Variants in SMARCA4 observed in about 807,000 individuals in gnomAD.
SMARCA4 encodes SWI/SNF related BAF chromatin remodeling complex subunit ATPase 4.
In SMARCA4, 31 loss-of-function variants were observed where a neutral mutation model predicts 193.9. That is an observed-to-expected ratio of 0.16 (90% CI 0.12 to 0.22). The LOEUF (loss-of-function observed/expected upper bound fraction) is 0.22, where lower values mean the gene tolerates loss of function less well. Among genes scored for constraint, SMARCA4 ranks in the 10% least tolerant of loss-of-function variants. The pLI is 1.00. For missense variants in SMARCA4, 1,148 were observed against 2,296.0 expected (o/e 0.50, Z 10.22); for synonymous variants, 942 against 933.1 (o/e 1.01, Z -0.17).
intron 1 of SMARCA4, among the ~76,000 whole-genome samples, chr19:10,965,004 G>T (rs2084103993): frequency 6.6e-6 from 1 of 152,162 alleles, no homozygotes; most frequent in African/African-American, 2.4e-5. Context: ...CAACCACCTG[G>T]GTTTGACTCC....
intron 11 of SMARCA4, among the ~76,000 whole-genome samples, chr19:11,001,933 T>C (rs1401797041): frequency 6.6e-6 from 1 of 152,212 alleles, no homozygotes; most frequent in African/African-American, 2.4e-5. Context: ...TTTTGAAATA[T>C]TTCAATTAGC....
Position 10,967,761 on chromosome 19 carries a change from T to C in SMARCA4, c.-32+6587T>C, listed in dbSNP as rs562179023. ...GTGCAGCGGTGTGATCTCGGCTCAC[T>C]GCAACCTCTGCCTTCCAGGTTCAAG... On this transcript the variant is annotated intron_variant, in intron 1 of 34. Transcript: ENST00000344626. Among the ~76,000 whole-genome samples, 266 of 147,482 alleles carry C rather than the reference T, an allele frequency of 1.8e-3. 1 individual carries two copies. The highest frequency in any genetic ancestry group is 6.9e-3 in the Middle Eastern group (2 of 290).
chr19:10,996,215 T>A lies in SMARCA4; in HGVS notation c.1596T>A (p.Ala532=), dbSNP rs939033260. Residue 532 remains alanine (A), a splice_region_variant and synonymous_variant, in exon 10 of 35, where the codon GCT becomes GCA. Transcript: ENST00000344626. ...IEKERMRRLM[A]EDEEGYRKLI... is the part of the protein sequence containing the mutation. ...CAGTAACCCCCATGCTTTTGTAGGC[T>A]GAAGATGAGGAGGGGTACCGCAAGC... 6.2e-7 allele frequency: 1 copy of A among 1,614,106 alleles called. No individual in the cohort carries two copies. Among genetic ancestry groups the A allele is most frequent in the Non-Finnish European group, 8.5e-7 (1 of 1,179,966 alleles).
At chr19:10,972,498 G>A (rs1259973554) in intron 1 of SMARCA4, among the ~76,000 whole-genome samples, 1 of 152,088 alleles carries the variant, frequency 6.6e-6, no homozygotes, top group Non-Finnish European at 1.5e-5. Flanking sequence ...CCTCCAGGTA[G>A]GAATTGTGTT....
intron 1 of SMARCA4, among the ~76,000 whole-genome samples, chr19:10,968,484 G>A (rs1412900378): frequency 6.6e-6 from 1 of 152,004 alleles, no homozygotes; most frequent in South Asian, 2.1e-4. Flanking sequence ...CTTTAAAATG[G>A]TTCTTTGAGG....
rs897457801 is a variant in SMARCA4 at position 11,019,796 on chromosome 19, C to T, written c.2616+95C>T. On this transcript the variant is annotated intron_variant, in intron 18 of 34. Coordinates refer to ENST00000344626, the MANE Select transcript of SMARCA4 (RefSeq NM_003072.5). The surrounding 1 kb of genome is among the most constrained non-coding windows in gnomAD (Gnocchi z 6.1). The stretch of plus-strand genomic sequence containing the variant: ...CCTCCAAAGCCCCTACAAGTTTCTT[C>T]CCGGAGTCCCACCTGCATGTGCGTG... 6.9e-6 allele frequency: 6 copies of T among 869,482 alleles called. No individual in the cohort carries two copies. The highest frequency in any genetic ancestry group is 5.6e-5 in the South Asian group (4 of 70,994). 53.9% of individuals were successfully genotyped at this position (869,482 alleles called of 1,614,324 possible).
chr19:11,036,826 C>T (rs1308720471), intron 29 of SMARCA4, among the ~76,000 whole-genome samples: 1 of 152,212 alleles, frequency 6.6e-6, no homozygotes, highest in Non-Finnish European at 1.5e-5. Flanking sequence ...CCCCAGGCAA[C>T]CACTGATGTA....
At chr19:10,992,002 A>T (rs1032289854) in intron 8 of SMARCA4, among the ~76,000 whole-genome samples, 5 of 152,122 alleles carry the variant, frequency 3.3e-5, no homozygotes, top group Admixed American at 3.3e-4. Context: ...GGATTTGGGG[A>T]TGATTGTGCT....
Position 11,034,067 on chromosome 19 carries a change from G to A in SMARCA4, c.3874-56G>A, listed in dbSNP as rs374753553. The A allele has an allele frequency of 3.3e-4, 466 of 1,414,760 alleles. 3 individuals are homozygous for A. In the African/African-American group the frequency reaches 5.6e-3, roughly 17 times the overall value. 87.6% of individuals were successfully genotyped at this position (1,414,760 alleles called of 1,614,324 possible). The stretch of plus-strand genomic sequence containing the variant: ...GACGCCGCCGCTCGCCTCTGAGCTC[G>A]GCCGCCGCCCACCCCGGCCCCTCCT... On this transcript the variant is annotated intron_variant, in intron 27 of 34. Transcript: ENST00000344626. This position sits in a 1 kb window ranked among gnomAD's most constrained non-coding sequence, Gnocchi z 7.0.
chr19:11,047,681 A>G (rs988274348), intron 30 of SMARCA4: 1 of 152,210 alleles, frequency 6.6e-6, no homozygotes, highest in African/African-American at 2.4e-5. Context: ...AAGTGTTGGG[A>G]TTACAGGCAT....
At chr19:11,039,780 G>A (rs2075480342) in intron 29 of SMARCA4, 1 of 343,220 alleles carries the variant, frequency 2.9e-6, no homozygotes, top group Non-Finnish European at 5.2e-6. Flanking sequence ...AAGACCACAT[G>A]TCTAAGAAAA....
chr19:11,029,314 C>G (rs1308066724), intron 24 of SMARCA4, among the ~76,000 whole-genome samples: 1 of 152,252 alleles, frequency 6.6e-6, no homozygotes, highest in Admixed American at 6.5e-5. Context: ...AGGAGAGAGC[C>G]TGGTTCCCAC....
intron 16 of SMARCA4, among the ~76,000 whole-genome samples, chr19:11,017,773 G>A (rs1392794121): frequency 1.3e-5 from 2 of 152,252 alleles, no homozygotes; most frequent in African/African-American, 2.4e-5. Context: ...GGCCAGGTCC[G>A]GTGGCTCCAA....
At chr19:10,963,606 G>A (rs192216848) in intron 1 of SMARCA4, among the ~76,000 whole-genome samples, 1 of 152,090 alleles carries the variant, frequency 6.6e-6, no homozygotes, top group East Asian at 1.9e-4. Context: ...TCTCTAAATC[G>A]TAGCTTAACC....
chr19:11,003,454 A>G, intron 13 of SMARCA4, 57 bp downstream of exon 13: 1 of 1,475,156 alleles, frequency 6.8e-7, no homozygotes, highest in East Asian at 2.3e-5. Flanking sequence ...AGTGACTTCC[A>G]CCCTGTGTGT....
At position 11,033,026 on chromosome 19, in the gene SMARCA4, T is replaced by A. The variant is rs986683497; in HGVS notation, c.3547-264T>A. The A allele has an allele frequency of 1.8e-6, 1 of 570,598 alleles. No individual in the cohort carries two copies. The highest frequency in any genetic ancestry group is 3.2e-6 in the Non-Finnish European group (1 of 316,362). The allele number at this position is 570,598 out of a possible 1,614,324, so 35.3% of individuals were successfully genotyped here. A position where few individuals can be genotyped will look rare whatever the true frequency, so the allele number is the denominator to read the frequency against. On this transcript the variant is annotated intron_variant, in intron 25 of 34. Coordinates refer to ENST00000344626, the MANE Select transcript of SMARCA4 (RefSeq NM_003072.5). This position sits in a 1 kb window ranked among gnomAD's most constrained non-coding sequence, Gnocchi z 9.8. ...ATATAATCCCCTGGGGGGTTGGTGCTTTCTTCCCGAATATCTGTGGGGTCC... is the reference window on the plus strand; with the variant it reads ...ATATAATCCCCTGGGGGGTTGGTGCATTCTTCCCGAATATCTGTGGGGTCC...
intron 15 of SMARCA4, among the ~76,000 whole-genome samples, chr19:11,011,512 A>C (rs988903401): frequency 1.3e-5 from 2 of 152,228 alleles, no homozygotes; most frequent in African/African-American, 4.8e-5. Flanking sequence ...GATGTAAGCC[A>C]GTGCACCCAG....
At chr19:11,003,447 G>A (rs776736818) in intron 13 of SMARCA4, 50 bp downstream of exon 13, 2 of 1,504,802 alleles carry the variant, frequency 1.3e-6, no homozygotes, top group Admixed American at 3.3e-5. Flanking sequence ...CACTGGCAGT[G>A]ACTTCCACCC....
chr19:11,007,819 T>C (rs2146185777), intron 13 of SMARCA4, 83 bp from the exon 14 acceptor site: 1 of 1,485,024 alleles, frequency 6.7e-7, no homozygotes, highest in Non-Finnish European at 9.3e-7. Context: ...GATCACTTGC[T>C]TCTGAGACTG....
Sources: gnomAD v4.1 joint callset for allele counts (sites outside exome capture counted in the v4.1 genomes callset) on GRCh38, gnomAD v4.1.1 for gene constraint, Gnocchi (gnomAD v3.1) non-coding constraint, MANE v1.5 for transcripts, NCBI Gene and HGNC (gene_info 2026-07-23, HGNC 2026-07-21) for gene names.